Variants in FOXK2 observed in about 807,000 individuals in gnomAD.
FOXK2 encodes the protein forkhead box K2.
In FOXK2, 24 loss-of-function variants were observed where a neutral mutation model predicts 53.3. That is an observed-to-expected ratio of 0.45 (90% confidence interval 0.33 to 0.63). The LOEUF (loss-of-function observed/expected upper bound fraction) is 0.63, where lower values mean the gene tolerates loss of function less well. Ranked by LOEUF, FOXK2 falls within the 30% of genes least tolerant of loss-of-function variation. The probability of loss-of-function intolerance (pLI) is 0.03; values close to 1 mark genes in which losing one functional copy is unlikely to be tolerated. For synonymous variants in FOXK2, 505 were observed against 407.1 expected (o/e 1.24, Z -2.89); for missense variants, 952 against 910.5 (o/e 1.05, Z -0.59).
rs1319695604 is a variant in FOXK2 at position 82,582,246 on chromosome 17, A to C, written c.910-495A>C. Among the ~76,000 whole-genome samples the C allele has an allele frequency of 2.6e-5, 4 of 152,128 alleles. No homozygotes were observed. The East Asian group carries it at 7.7e-4, about 29-fold the overall frequency. On this transcript the variant is annotated intron_variant, in intron 4 of 8. Transcript: ENST00000335255. ...TGACAGTTGCAGTCCTGGGTTTCCC[A>C]CCTTGAAAGGAGATGGAGTCAGAAA...
chr17:82,601,240 G>C, intron 8 of FOXK2, 63 bp from the exon 9 acceptor site: 1 of 1,532,620 alleles, frequency 6.5e-7, no homozygotes, highest in Non-Finnish European at 8.9e-7. Context: ...TGAGAGCGTG[G>C]GGTTCTGAGT....
At chr17:82,585,578 G>T (rs2045126371) in intron 6 of FOXK2, among the ~76,000 whole-genome samples, 1 of 152,158 alleles carries the variant, frequency 6.6e-6, no homozygotes, top group Non-Finnish European at 1.5e-5. Context: ...GGGATTACAG[G>T]CGTGAGCCAC....
At chr17:82,569,935 C>T (rs1347533187) in intron 3 of FOXK2, among the ~76,000 whole-genome samples, 5 of 151,646 alleles carry the variant, frequency 3.3e-5, no homozygotes, top group Admixed American at 6.6e-5. Flanking sequence ...AAAAAAAAAG[C>T]GATAGGCTGG....
At chr17:82,586,293 T>A (rs2045152643) in intron 7 of FOXK2, 93 bp downstream of exon 7, 1 of 259,292 alleles carries the variant, frequency 3.9e-6, no homozygotes, top group Non-Finnish European at 6.5e-6. Flanking sequence ...CACAGGGAGG[T>A]CAAAGGTGGG....
chr17:82,553,741 G>A lies in FOXK2; in HGVS notation c.420-9613G>A, dbSNP rs571836271. 2.6e-5 allele frequency among the ~76,000 whole-genome samples: 4 copies of A among 152,354 alleles called. No homozygotes were observed. In the East Asian group the frequency reaches 7.7e-4, roughly 29 times the overall value. ...GAATCGGCTAAGCTCCAGGGACACA[G>A]CAGTTGCGCCTGTGGTGGAGATTGT... On this transcript the variant is annotated intron_variant, in intron 1 of 8. Coordinates refer to ENST00000335255, the MANE Select transcript of FOXK2 (RefSeq NM_004514.4).
rs558194671 is a variant in FOXK2 at position 82,586,155 on chromosome 17, C to G, written c.1531C>G (p.Pro511Ala). Residue 511 changes from proline to alanine, a missense_variant, in exon 7 of 9, where the codon CCT becomes GCT. Around this residue, in one of 5 missense-constraint regions of FOXK2, gnomAD observed 551 missense variants for 385.1 expected, o/e 1.43. Transcript: ENST00000335255. ...CACCCCGGCAGCCGTGCTGGCCCCT[C>G]CTAAGGCAGAGGCCCAGGAGAATGG... is the stretch of plus-strand genomic sequence containing the variant. The part of the protein sequence containing the change: ...VVTPAAVLAP[P>A]KAEAQENGDH... The G allele has an allele frequency of 8.7e-6, 14 of 1,612,052 alleles. No homozygotes were observed. In the South Asian group the frequency reaches 1.5e-4, roughly 18 times the overall value.
chr17:82,567,217 T>C (rs2044861584), intron 2 of FOXK2, among the ~76,000 whole-genome samples: 2 of 152,188 alleles, frequency 1.3e-5, no homozygotes, highest in African/African-American at 4.8e-5. Flanking sequence ...GCATTTGCAA[T>C]GTTTTTCCCC....
chr17:82,588,837 T>C (rs2045224290), intron 8 of FOXK2, among the ~76,000 whole-genome samples: 2 of 146,140 alleles, frequency 1.4e-5, no homozygotes, highest in Non-Finnish European at 3.0e-5. Context: ...GATCACGAGG[T>C]CAGGAGTTCA....
At chr17:82,560,425 CCCT>C (rs552854906) in intron 1 of FOXK2, among the ~76,000 whole-genome samples, 223 of 152,160 alleles carry the variant, frequency 1.5e-3, no homozygotes, top group African/African-American at 4.7e-3. Context: ...CCGTGCCCGG[CCCT>C]CCTCGCTGTT....
chr17:82,595,114 G>C (rs1338046870), intron 8 of FOXK2, among the ~76,000 whole-genome samples: 2 of 152,240 alleles, frequency 1.3e-5, no homozygotes, highest in Non-Finnish European at 2.9e-5. Flanking sequence ...GGATAGGCAA[G>C]TTCTAACCAT....
intron 1 of FOXK2, among the ~76,000 whole-genome samples, chr17:82,522,880 C>T (rs75777271): frequency 0.039 from 5,900 of 152,086 alleles, 124 homozygotes; most frequent in Non-Finnish European, 0.044. Flanking sequence ...CTGCAACCTC[C>T]GCCTCCCTGG....
At chr17:82,532,269 C>T (rs987098867) in intron 1 of FOXK2, among the ~76,000 whole-genome samples, 2 of 151,958 alleles carry the variant, frequency 1.3e-5, no homozygotes, top group African/African-American at 4.8e-5. Context: ...CTCAGCTTTC[C>T]GAGTAGCTGG....
intron 1 of FOXK2, among the ~76,000 whole-genome samples, chr17:82,521,125 C>T (rs1482547102): frequency 6.6e-6 from 1 of 152,180 alleles, no homozygotes; most frequent in African/African-American, 2.4e-5. Context: ...CAGGGGCTCA[C>T]TTCTAGATCA....
intron 1 of FOXK2, among the ~76,000 whole-genome samples, chr17:82,561,629 G>C (rs763261248): frequency 3.1e-4 from 47 of 152,170 alleles, no homozygotes; most frequent in Non-Finnish European, 5.3e-4. Flanking sequence ...TGCCTCACGG[G>C]GAAAGGAGAA....
intron 2 of FOXK2, among the ~76,000 whole-genome samples, chr17:82,567,216 A>G (rs1598216000): frequency 2.0e-5 from 3 of 152,056 alleles, no homozygotes; most frequent in African/African-American, 7.3e-5. Context: ...TGCATTTGCA[A>G]TGTTTTTCCC....
intron 2 of FOXK2, among the ~76,000 whole-genome samples, chr17:82,564,373 G>A (rs184712387): frequency 6.7e-6 from 1 of 149,252 alleles, no homozygotes. Context: ...TACCACAGCT[G>A]GCTGGTTTTT....
intron 1 of FOXK2, among the ~76,000 whole-genome samples, chr17:82,544,585 G>A (rs1443013252): frequency 6.6e-6 from 1 of 152,196 alleles, no homozygotes; most frequent in Non-Finnish European, 1.5e-5. Flanking sequence ...CTGAACTCAT[G>A]AATATTCTCA....
At chr17:82,577,475 G>T in intron 4 of FOXK2, 2 of 333,600 alleles carry the variant, frequency 6.0e-6, no homozygotes, top group South Asian at 6.6e-5. Context: ...TTAAGGTCTC[G>T]CAGCCAAAGC....
chr17:82,563,347 T>A lies in FOXK2; in HGVS notation c.420-7T>A, dbSNP rs746207142. 21 of 1,609,498 alleles carry A rather than the reference T, an allele frequency of 1.3e-5. 1 individual carries two copies. The highest frequency in any genetic ancestry group is 1.2e-4 in the Admixed American group (7 of 59,682). On this transcript the variant is annotated splice_region_variant and splice_polypyrimidine_tract_variant and intron_variant, in intron 1 of 8. Coordinates refer to ENST00000335255, the MANE Select transcript of FOXK2 (RefSeq NM_004514.4). ...AAAGGTGCTGATGGTGGGCTTTTCT[T>A]TTCCAGGTGCACATTCAGGTTCCCG...
Sources: gnomAD v4.1 joint callset for allele counts (sites outside exome capture counted in the v4.1 genomes callset) on GRCh38, gnomAD v4.1.1 for gene constraint, gnomAD v4.1.1 regional missense constraint, MANE v1.5 for transcripts, NCBI Gene and HGNC (gene_info 2026-07-23, HGNC 2026-07-21) for gene names.